CNTN1: variants seen among roughly 807,000 people sequenced by gnomAD.
CNTN1 encodes the protein contactin 1.
Under a neutral mutation model 126.4 loss-of-function variants are expected in CNTN1, and 38 were observed. The observed-to-expected ratio is 0.30, with a 90% CI of 0.23 to 0.39. The LOEUF is 0.39. Ranked by LOEUF, CNTN1 falls within the 10% of genes least tolerant of loss-of-function variation. The pLI, the probability that CNTN1 is intolerant of heterozygous loss-of-function variation, is 1.00. For synonymous variants in CNTN1, 413 were observed against 422.6 expected (o/e 0.98, Z 0.28); for missense variants, 1,009 against 1,248.4 (o/e 0.81, Z 2.89).
chr12:40,847,551 T>A (rs1422661236), intron 1 of CNTN1, among the ~76,000 whole-genome samples: 1 of 152,224 alleles, frequency 6.6e-6, no homozygotes, highest in Non-Finnish European at 1.5e-5. Context: ...TGCTCTTAAT[T>A]TGTGTTACTT....
chr12:41,056,993 A>ATAT (rs1949827278), intron 23 of CNTN1, among the ~76,000 whole-genome samples: 2 of 90,726 alleles, frequency 2.2e-5, no homozygotes, highest in Admixed American at 1.1e-4. Flanking sequence ...ATTTATAAAT[A>ATAT]TTATAAATAT....
At chr12:40,749,859 T>C (rs144553290) in intron 1 of CNTN1, among the ~76,000 whole-genome samples, 64 of 151,262 alleles carry the variant, frequency 4.2e-4, no homozygotes, top group Non-Finnish European at 6.5e-4. Context: ...AAGAGAAGAG[T>C]TGGAGTCTAG....
At chr12:40,795,251 C>A (rs564634876) in intron 1 of CNTN1, among the ~76,000 whole-genome samples, 3 of 150,492 alleles carry the variant, frequency 2.0e-5, no homozygotes, top group Admixed American at 1.3e-4. Context: ...TAAAATAAAT[C>A]TCTGTAAACA....
intron 1 of CNTN1, among the ~76,000 whole-genome samples, chr12:40,767,953 T>C (rs1228703545): frequency 6.6e-6 from 1 of 152,124 alleles, no homozygotes; most frequent in East Asian, 1.9e-4. Flanking sequence ...ATAAATGATT[T>C]TGTTGCAATA....
chr12:41,014,153 G>T lies in CNTN1; in HGVS notation c.2114-75G>T, dbSNP rs1451048669. 8 of 1,387,672 alleles carry T rather than the reference G, an allele frequency of 5.8e-6. No individual in the cohort carries two copies. In the Admixed American group the frequency reaches 1.2e-4, roughly 21 times the overall value. 86.0% of individuals were successfully genotyped at this position (1,387,672 alleles called of 1,614,324 possible). On this transcript the variant is annotated intron_variant, in intron 17 of 23. Coordinates refer to ENST00000551295, the MANE Select transcript of CNTN1 (RefSeq NM_001843.4). Reference sequence around the variant, plus strand: ...CATTTGTGGTTTCTGTGGTGAATAAGAATTCTAACACCAGGAAAAAAATGC... The same window carrying T: ...CATTTGTGGTTTCTGTGGTGAATAATAATTCTAACACCAGGAAAAAAATGC...
intron 16 of CNTN1, among the ~76,000 whole-genome samples, chr12:40,981,941 A>C (rs1411112542): frequency 6.6e-6 from 1 of 151,482 alleles, no homozygotes; most frequent in Non-Finnish European, 1.5e-5. Context: ...AAAAAACTAA[A>C]AAAAAAAAAA....
chr12:40,925,626 CAT>C (rs1555181856), intron 6 of CNTN1, among the ~76,000 whole-genome samples: 1 of 104,246 alleles, frequency 9.6e-6, no homozygotes, highest in Non-Finnish European at 2.0e-5. Context: ...TATATATACA[CAT>C]ATATATATAT....
chr12:40,974,077 T>G (rs2137052709), intron 15 of CNTN1, among the ~76,000 whole-genome samples: 1 of 152,286 alleles, frequency 6.6e-6, no homozygotes. Context: ...CAGAACTGAT[T>G]AACTATATTT....
In CNTN1 at chr12:40,989,730, G is replaced by A. The variant is rs543997988; in HGVS notation, c.1964-3390G>A. ...CTTCTATTTGTAAAACATCATGCTG[G>A]GCATACTAGGCCCTGAGGGGTTTCA... On this transcript the variant is annotated intron_variant, in intron 16 of 23. Transcript: ENST00000551295. 5.9e-5 allele frequency among the ~76,000 whole-genome samples: 9 copies of A among 151,770 alleles called. No individual in the cohort carries two copies. In the South Asian group the frequency reaches 1.5e-3, roughly 25 times the overall value.
chr12:40,837,497 T>C (rs1822599), intron 1 of CNTN1, among the ~76,000 whole-genome samples: 89,591 of 151,914 alleles, frequency 0.59, 26,871 homozygotes, highest in East Asian at 0.77. Flanking sequence ...TCATAGGGAG[T>C]TGCCAATAGA....
At chr12:40,930,141 G>A in intron 7 of CNTN1, 139 bp downstream of exon 7, 1 of 755,328 alleles carries the variant, frequency 1.3e-6, no homozygotes, top group South Asian at 1.5e-5. Context: ...ATGTTGAAGG[G>A]GCCAAAGGCT....
chr12:40,973,156 G>A (rs1447972308), intron 15 of CNTN1, among the ~76,000 whole-genome samples: 2 of 151,904 alleles, frequency 1.3e-5, no homozygotes, highest in Non-Finnish European at 1.5e-5. Context: ...TTCTAACTGG[G>A]ATCTAAATTT....
intron 23 of CNTN1, among the ~76,000 whole-genome samples, chr12:41,067,552 G>A (rs1056540567): frequency 6.8e-6 from 1 of 147,400 alleles, no homozygotes; most frequent in Non-Finnish European, 1.5e-5. Flanking sequence ...TCACTCATAG[G>A]TGGGAATTGA....
intron 1 of CNTN1, among the ~76,000 whole-genome samples, chr12:40,842,546 T>C (rs113834721): frequency 0.014 from 2,073 of 152,150 alleles, 18 homozygotes; most frequent in Non-Finnish European, 0.024. Flanking sequence ...ATAATCATTG[T>C]AAAAGAAAAA....
chr12:41,048,696 C>G (rs1949602364), intron 23 of CNTN1, among the ~76,000 whole-genome samples: 1 of 146,254 alleles, frequency 6.8e-6, no homozygotes, highest in African/African-American at 2.6e-5. Context: ...CAAAACAGAG[C>G]AACAATTGAA....
intron 20 of CNTN1, among the ~76,000 whole-genome samples, chr12:41,023,159 C>T (rs540489662): frequency 3.3e-5 from 5 of 152,072 alleles, no homozygotes; most frequent in Non-Finnish European, 5.9e-5. Context: ...TGAAAATGTA[C>T]GATGGATCTC....
intron 23 of CNTN1, among the ~76,000 whole-genome samples, chr12:41,060,410 G>A (rs910629235): frequency 6.6e-6 from 1 of 152,180 alleles, no homozygotes; most frequent in Non-Finnish European, 1.5e-5. Flanking sequence ...TTTCTCTCTG[G>A]TTCTACTTGT....
chr12:41,037,663 TACACACACACACACAC>T (rs55890336), intron 23 of CNTN1, among the ~76,000 whole-genome samples: 6 of 144,506 alleles, frequency 4.2e-5, no homozygotes, highest in South Asian at 4.5e-4. Flanking sequence ...GTGTGTTTAA[TACACACACACACACAC>T]ACACACACAC....
At chr12:40,945,213 T>G (rs933910996) in intron 14 of CNTN1, among the ~76,000 whole-genome samples, 4 of 152,040 alleles carry the variant, frequency 2.6e-5, no homozygotes, top group Non-Finnish European at 5.9e-5. Context: ...AACTGTAAAT[T>G]TTGTATTTTG....
Sources: gnomAD v4.1 joint callset for allele counts (sites outside exome capture counted in the v4.1 genomes callset) on GRCh38, gnomAD v4.1.1 for gene constraint, MANE v1.5 for transcripts, NCBI Gene and HGNC (gene_info 2026-07-23, HGNC 2026-07-21) for gene names.